Variants in ZFYVE28 observed in about 807,000 individuals in gnomAD.
ZFYVE28 encodes the protein lateral signaling target protein 2 homolog.
In ZFYVE28, 40 loss-of-function variants were observed where a neutral mutation model predicts 82.1. That is an observed-to-expected ratio of 0.49 (90% CI 0.38 to 0.63). ZFYVE28 has a LOEUF of 0.63. ZFYVE28 is among the 30% of genes least tolerant of loss of function. The probability of loss-of-function intolerance (pLI) is 0.00; values close to 1 mark genes in which losing one functional copy is unlikely to be tolerated. For missense variants in ZFYVE28, 1,321 were observed against 1,242.1 expected (o/e 1.06, Z -0.96); for synonymous variants, 612 against 546.1 (o/e 1.12, Z -1.68).
chr4:2,385,563 T>C (rs1162477128), intron 1 of ZFYVE28, among the ~76,000 whole-genome samples: 1 of 152,200 alleles, frequency 6.6e-6, no homozygotes, highest in Non-Finnish European at 1.5e-5. Flanking sequence ...CAGACCTACA[T>C]GGTTGCCTAC....
At chr4:2,382,828 C>A (rs907444881) in intron 1 of ZFYVE28, among the ~76,000 whole-genome samples, 2 of 152,080 alleles carry the variant, frequency 1.3e-5, no homozygotes, top group Non-Finnish European at 2.9e-5. Context: ...ACTTACAGTT[C>A]CATATGGCTG....
At chr4:2,336,596 C>T (rs1214506316) in intron 5 of ZFYVE28, among the ~76,000 whole-genome samples, 1 of 150,744 alleles carries the variant, frequency 6.6e-6, no homozygotes, top group Non-Finnish European at 1.5e-5. Flanking sequence ...AACACTTGTT[C>T]AACAGACTTA....
chr4:2,336,012 C>T (rs976528476), intron 5 of ZFYVE28, among the ~76,000 whole-genome samples: 1 of 152,224 alleles, frequency 6.6e-6, no homozygotes, highest in African/African-American at 2.4e-5. Flanking sequence ...TGGCAGGTGG[C>T]TCCAGCTTGA....
chr4:2,312,452 G>A (rs1230997243), intron 7 of ZFYVE28, among the ~76,000 whole-genome samples: 1 of 152,140 alleles, frequency 6.6e-6, no homozygotes, highest in Admixed American at 6.5e-5. Context: ...TTTGGGGCCG[G>A]GCGCGGTGGC....
chr4:2,275,801 AC>A (rs1437024707), intron 8 of ZFYVE28, among the ~76,000 whole-genome samples: 30 of 152,354 alleles, frequency 2.0e-4, no homozygotes, highest in African/African-American at 7.0e-4. Context: ...GCCGGCATAC[AC>A]TGGAAACGCG....
At position 2,290,501 on chromosome 4, in the gene ZFYVE28, G is replaced by T. The variant is rs76637307; in HGVS notation, c.2051+13788C>A. Among the ~76,000 whole-genome samples the T allele has an allele frequency of 8.1e-4, 123 of 152,282 alleles. No individual in the cohort carries two copies. In the Middle Eastern group the frequency reaches 0.01, roughly 13 times the overall value. On this transcript the variant is annotated intron_variant, in intron 8 of 12. Transcript: ENST00000290974. ...TGGCCCTCTCCAGCTTTGTCCTCTC[G>T]TGAGGATGCAACGCTGCTCACTGAT...
rs1284247990 is a variant in ZFYVE28 at position 2,394,622 on chromosome 4, G to C, written c.39+23663C>G. Among the ~76,000 whole-genome samples, 1 of 152,232 alleles carries C rather than the reference G, an allele frequency of 6.6e-6. No individual in the cohort carries two copies. The highest frequency in any genetic ancestry group is 1.5e-5 in the Non-Finnish European group (1 of 68,046). ...ACATCAACGCCTCCTTTCTAACAAG[G>C]CACATGCTTCCAGCTGCTCGGGCTG... On this transcript the variant is annotated intron_variant, in intron 1 of 12. Transcript: ENST00000290974. This position sits in a 1 kb window ranked among gnomAD's most constrained non-coding sequence, Gnocchi z 4.0.
intron 1 of ZFYVE28, among the ~76,000 whole-genome samples, chr4:2,370,203 A>G (rs3128809): frequency 0.69 from 104,662 of 151,872 alleles, 36,182 homozygotes; most frequent in East Asian, 0.79. Flanking sequence ...GCAGCCATAC[A>G]GAATGAAGAT....
In ZFYVE28 at chr4:2,304,497, G is replaced by A. The variant is rs1716197072; in HGVS notation, c.1843C>T (p.Pro615Ser). The change falls in exon 8 of 13, where the codon CCA becomes TCA. Residue 615 changes from proline to serine, a missense_variant. Around this residue, in one of 2 missense-constraint regions of ZFYVE28, gnomAD observed 978 missense variants for 833.7 expected, o/e 1.17. Coordinates refer to ENST00000290974, the MANE Select transcript of ZFYVE28 (RefSeq NM_020972.3). ...RAPERQEEAP[P>S]PSEDASNGRE... ...CCGTTGGAGGCATCTTCTGAGGGTG[G>A]GGGCGCCTCCTCCTGTCTCTCAGGG... 8.1e-6 allele frequency: 13 copies of A among 1,612,840 alleles called. No homozygotes were observed. The highest frequency in any genetic ancestry group is 1.1e-5 in the Non-Finnish European group (13 of 1,179,632).
chr4:2,330,638 G>A (rs1418432700), intron 6 of ZFYVE28: 2 of 1,389,384 alleles, frequency 1.4e-6, no homozygotes, highest in Admixed American at 3.0e-5. Flanking sequence ...TAGAGGAGGG[G>A]ACAGTGTAGT....
intron 8 of ZFYVE28, among the ~76,000 whole-genome samples, chr4:2,291,408 C>G (rs541778848): frequency 1.3e-5 from 2 of 152,162 alleles, no homozygotes; most frequent in Non-Finnish European, 2.9e-5. Flanking sequence ...TTCTTGGGCT[C>G]ACGGGGAGGC....
At chr4:2,276,099 A>C (rs1736411233) in intron 8 of ZFYVE28, among the ~76,000 whole-genome samples, 1 of 152,268 alleles carries the variant, frequency 6.6e-6, no homozygotes, top group Non-Finnish European at 1.5e-5. Flanking sequence ...GCAGAAGCAC[A>C]GAGGCGTGGC....
intron 8 of ZFYVE28, among the ~76,000 whole-genome samples, chr4:2,297,755 ATGACACAG>A (rs1263416399): frequency 1.4e-4 from 14 of 99,406 alleles, no homozygotes; most frequent in African/African-American, 2.1e-4. Flanking sequence ...TGACAGTGGG[ATGACACAG>A]TGACACAGTG....
At chr4:2,278,390 G>A (rs1476281052) in intron 8 of ZFYVE28, among the ~76,000 whole-genome samples, 8 of 151,918 alleles carry the variant, frequency 5.3e-5, no homozygotes, top group Non-Finnish European at 8.8e-5. Flanking sequence ...GTTTCACCAC[G>A]TTGCCCAGGC....
At chr4:2,322,670 G>T (rs955214445) in intron 6 of ZFYVE28, among the ~76,000 whole-genome samples, 3 of 152,180 alleles carry the variant, frequency 2.0e-5, no homozygotes, top group Non-Finnish European at 4.4e-5. Context: ...TGCATTCACG[G>T]TGCTGTGCAC....
At chr4:2,288,076 C>G (rs2108808606) in intron 8 of ZFYVE28, among the ~76,000 whole-genome samples, 1 of 152,288 alleles carries the variant, frequency 6.6e-6, no homozygotes, top group East Asian at 1.9e-4. Flanking sequence ...AAGGCAGAAG[C>G]AACTGGCCTG....
intron 6 of ZFYVE28, among the ~76,000 whole-genome samples, chr4:2,329,298 G>GT (rs375691360): frequency 7.9e-5 from 12 of 152,024 alleles, no homozygotes; most frequent in African/African-American, 2.9e-4. Flanking sequence ...TTTCAGCAAC[G>GT]TTTTTTAGTT....
Position 2,416,682 on chromosome 4 carries a change from G to A in ZFYVE28, c.39+1603C>T, listed in dbSNP as rs539456192. Reference sequence around the variant, plus strand: ...GCAGGAGGAGAGGCTGGGCGCAGACGGCTCGGCCCCAAACCACACCCAGCG... The same window carrying A: ...GCAGGAGGAGAGGCTGGGCGCAGACAGCTCGGCCCCAAACCACACCCAGCG... On this transcript the variant is annotated intron_variant, in intron 1 of 12. Transcript: ENST00000290974. This position sits in a 1 kb window ranked among gnomAD's most constrained non-coding sequence, Gnocchi z 4.6. Among the ~76,000 whole-genome samples, 1 of 152,284 alleles carries A rather than the reference G, an allele frequency of 6.6e-6. No homozygotes were observed. Among genetic ancestry groups the A allele is most frequent in the Non-Finnish European group, 1.5e-5 (1 of 68,026 alleles).
chr4:2,330,529 A>G (rs1720504902), intron 6 of ZFYVE28: 1 of 1,148,692 alleles, frequency 8.7e-7, no homozygotes, highest in African/African-American at 1.6e-5. Context: ...GACATTGCAG[A>G]GGAAGGGACA....
Sources: allele counts gnomAD v4.1 joint callset (sites outside exome capture counted in the v4.1 genomes callset), GRCh38; gene constraint gnomAD v4.1.1; regional missense constraint gnomAD v4.1.1; non-coding constraint Gnocchi (gnomAD v3.1); transcripts MANE v1.5; gene names NCBI Gene and HGNC (gene_info 2026-07-23, HGNC 2026-07-21).